The following SEC14L6 variants were observed in gnomAD, a reference collection of about 807,000 sequenced individuals.
The protein encoded by SEC14L6 is SEC14 like lipid binding 6, also known as SEC14-like protein 6.
In SEC14L6, 40 loss-of-function variants were observed where a neutral mutation model predicts 54.1. The ratio of observed to expected loss-of-function variants is 0.74; its 90% CI spans 0.57 to 0.96. The LOEUF (loss-of-function observed/expected upper bound fraction) is 0.96, where lower values mean the gene tolerates loss of function less well. Among genes scored for constraint, SEC14L6 ranks in the 40% least tolerant of loss-of-function variants. The probability of loss-of-function intolerance (pLI) is 0.00; values close to 1 mark genes in which losing one functional copy is unlikely to be tolerated. For missense variants in SEC14L6, 471 were observed against 498.3 expected (o/e 0.95, Z 0.52); for synonymous variants, 171 against 198.4 (o/e 0.86, Z 1.16).
At chr22:30,529,055 G>T in intron 8 of SEC14L6, 32 bp downstream of exon 8, 3 of 1,512,894 alleles carry the variant, frequency 2.0e-6, no homozygotes, top group Non-Finnish European at 2.7e-6. Context: ...CAGGATCCAG[G>T]CTGGAAAAGA....
intron 8 of SEC14L6, among the ~76,000 whole-genome samples, chr22:30,528,584 T>C (rs904794560): frequency 6.6e-6 from 1 of 151,656 alleles, no homozygotes; most frequent in African/African-American, 2.4e-5. Flanking sequence ...CCACCATGCC[T>C]GGCTAATTTA....
At position 30,525,382 on chromosome 22, in the gene SEC14L6, T is replaced by C; in HGVS notation, c.1049A>G (p.Asp350Gly). Residue 350 changes from aspartate to glycine, a missense_variant, in exon 11 of 12, where the codon GAT (aspartate) becomes GGT (glycine). Physicochemically the swap from Asp to Gly is moderately conservative, Grantham distance 94 (BLOSUM62 -1). Transcript: ENST00000402034. ...QRYNAHMVPEDGILTCLQAGS... is the reference protein window; with the variant it reads ...QRYNAHMVPEGGILTCLQAGS... ...GGCCTGGAGGCAGGTGAGAATCCCA[T>C]CTTCAGGCACCATGTGGGCATTGTA... The C allele has an allele frequency of 6.2e-7, 1 of 1,614,088 alleles. No individual in the cohort carries two copies. The highest frequency in any genetic ancestry group is 1.1e-5 in the South Asian group (1 of 91,072).
Position 30,523,934 on chromosome 22 carries a change from A to G in SEC14L6, c.*1063T>C, listed in dbSNP as rs745575889. 3.3e-5 allele frequency: 5 copies of G among 152,170 alleles called. No homozygotes were observed. The highest frequency in any genetic ancestry group is 7.3e-5 in the Non-Finnish European group (5 of 68,042). 9.4% of individuals were successfully genotyped at this position (152,170 alleles called of 1,614,324 possible). A position where few individuals can be genotyped will look rare whatever the true frequency, so the allele number is the denominator to read the frequency against. On this transcript the variant is annotated 3_prime_UTR_variant, in exon 12 of 12. Transcript: ENST00000402034. ...GCCTGCCTCTCCTAGAGATACAGCAACTTGCCCACAAATGCACTTTTCGAA... is the reference window on the plus strand; with the variant it reads ...GCCTGCCTCTCCTAGAGATACAGCAGCTTGCCCACAAATGCACTTTTCGAA...
At chr22:30,542,572 C>T in intron 1 of SEC14L6, 4 of 1,436,578 alleles carry the variant, frequency 2.8e-6, no homozygotes, top group Non-Finnish European at 3.6e-6. Flanking sequence ...AGCCGCGGCC[C>T]ATGGAGCCCG....
At chr22:30,532,404 C>A in intron 5 of SEC14L6, 121 bp downstream of exon 5, 1 of 1,308,702 alleles carries the variant, frequency 7.6e-7, no homozygotes, top group Non-Finnish European at 1.0e-6. Context: ...CCTGCATTCA[C>A]TCCACAGTAC....
At position 30,524,011 on chromosome 22, in the gene SEC14L6, T is replaced by G. The variant is rs1170374326; in HGVS notation, c.*986A>C. On this transcript the variant is annotated 3_prime_UTR_variant, in exon 12 of 12. Transcript: ENST00000402034. ...TCCAACTACCTCCTTTATCAGATTCTCACACTCCAGGCCACTATCCACCTG... is the reference window on the plus strand; with the variant it reads ...TCCAACTACCTCCTTTATCAGATTCGCACACTCCAGGCCACTATCCACCTG... 4.6e-5 allele frequency: 7 copies of G among 152,170 alleles called. No individual in the cohort carries two copies. The highest frequency in any genetic ancestry group is 3.2e-3 in the Middle Eastern group (1 of 316). 9.4% of individuals were successfully genotyped at this position (152,170 alleles called of 1,614,324 possible). A position where few individuals can be genotyped will look rare whatever the true frequency, so the allele number is the denominator to read the frequency against.
chr22:30,546,624 C>G lies in SEC14L6; in HGVS notation c.54+5G>C. On this transcript the variant is annotated splice_donor_5th_base_variant and intron_variant, in intron 1 of 11. Coordinates refer to ENST00000402034, the MANE Select transcript of SEC14L6 (RefSeq NM_001193336.4). ...GCTGGTGTAGGAGTCTCTCCCTTCACTCACCTGGGCCAGCGACTTCTCCTG... is the reference window on the plus strand; with the variant it reads ...GCTGGTGTAGGAGTCTCTCCCTTCAGTCACCTGGGCCAGCGACTTCTCCTG... 1 of 1,550,330 alleles carries G rather than the reference C, an allele frequency of 6.5e-7. No homozygotes were observed. Among genetic ancestry groups the G allele is most frequent in the South Asian group, 1.2e-5 (1 of 84,052 alleles).
At chr22:30,532,023 G>T in intron 5 of SEC14L6, 25 bp from the exon 6 acceptor site, 3 of 1,544,226 alleles carry the variant, frequency 1.9e-6, no homozygotes, top group Non-Finnish European at 2.6e-6. Flanking sequence ...CAGGGGGTGA[G>T]ACCCTGTGAG....
chr22:30,530,504 G>A (rs958083585), intron 6 of SEC14L6, among the ~76,000 whole-genome samples: 4 of 152,136 alleles, frequency 2.6e-5, no homozygotes, highest in Admixed American at 1.3e-4. Flanking sequence ...GGGCTCAAAC[G>A]ATCATCCCAC....
At chr22:30,532,767 G>C in intron 4 of SEC14L6, 30 bp downstream of exon 4, 1 of 1,607,978 alleles carries the variant, frequency 6.2e-7, no homozygotes, top group Non-Finnish European at 8.5e-7. Context: ...AGGGCCCAGG[G>C]ATCAGGGTAT....
chr22:30,545,398 A>T lies in SEC14L6; in HGVS notation c.54+1231T>A, dbSNP rs536034518. Among the ~76,000 whole-genome samples the T allele has an allele frequency of 7.3e-3, 1,062 of 144,882 alleles. 10 individuals carry two copies. The highest frequency in any genetic ancestry group is 0.025 in the African/African-American group (997 of 39,716). On this transcript the variant is annotated intron_variant, in intron 1 of 11. Transcript: ENST00000402034. ...GACTCAGTATCCCCTCAAAACACTC[A>T]TTTTTTTTTTTTTTGAAACAGGGTC...
intron 8 of SEC14L6, among the ~76,000 whole-genome samples, chr22:30,528,119 C>CTT (rs1201756831): frequency 0.027 from 3,160 of 117,596 alleles, 170 homozygotes; most frequent in African/African-American, 0.079. Flanking sequence ...ACCTAGATTT[C>CTT]TTTTTTTTTT....
chr22:30,542,094 G>GCCTGGA (rs1427950666), intron 1 of SEC14L6, among the ~76,000 whole-genome samples: 1 of 152,146 alleles, frequency 6.6e-6, no homozygotes, highest in Non-Finnish European at 1.5e-5. Flanking sequence ...CCCGTCCCCA[G>GCCTGGA]CCTGGACCTG....
intron 3 of SEC14L6, 154 bp from the exon 4 acceptor site, chr22:30,533,010 A>G: frequency 1.0e-6 from 1 of 985,344 alleles, no homozygotes; most frequent in East Asian, 1.1e-4. Flanking sequence ...GGGGGATGGA[A>G]ACAGGATGGG....
chr22:30,535,626 CAGTTT>C (rs2039732161), intron 2 of SEC14L6, among the ~76,000 whole-genome samples: 1 of 152,168 alleles, frequency 6.6e-6, no homozygotes, highest in African/African-American at 2.4e-5. Context: ...GATTTGGTGG[CAGTTT>C]AAAGACATTC....
At chr22:30,540,367 C>CTTTTTT (rs753718105) in intron 1 of SEC14L6, among the ~76,000 whole-genome samples, 1 of 114,062 alleles carries the variant, frequency 8.8e-6, no homozygotes, top group Non-Finnish European at 1.8e-5. Context: ...CTTTTTGTTC[C>CTTTTTT]TTTTTTTTTT....
At chr22:30,527,971 ATT>A (rs949943659) in intron 8 of SEC14L6, among the ~76,000 whole-genome samples, 1 of 150,346 alleles carries the variant, frequency 6.7e-6, no homozygotes, top group African/African-American at 2.4e-5. Context: ...GTATGAACCC[ATT>A]TTTTTTTGGA....
intron 11 of SEC14L6, 82 bp from the exon 12 acceptor site, chr22:30,525,191 C>T (rs1877450026): frequency 3.1e-6 from 4 of 1,278,466 alleles, no homozygotes; most frequent in East Asian, 2.5e-5. Context: ...GCGTGGGTAC[C>T]CAGACCAGGG....
intron 1 of SEC14L6, chr22:30,543,454 A>G: frequency 3.1e-6 from 5 of 1,612,078 alleles, no homozygotes; most frequent in Admixed American, 1.7e-5. Context: ...TGTGTCCCGG[A>G]CAGAAACGGC....
Sources: gnomAD v4.1 joint callset for allele counts (sites outside exome capture counted in the v4.1 genomes callset) on GRCh38, gnomAD v4.1.1 for gene constraint, MANE v1.5 for transcripts, NCBI Gene and HGNC (gene_info 2026-07-23, HGNC 2026-07-21) for gene names.